Variants in RAB6A observed in about 807,000 individuals in gnomAD.
RAB6A encodes RAB6A, member RAS oncogene family.
In RAB6A, 8 loss-of-function variants were observed where a neutral mutation model predicts 32.3. The observed-to-expected ratio is 0.25, with a 90% CI of 0.15 to 0.45. RAB6A has a LOEUF of 0.45. Ranked by LOEUF, RAB6A falls within the 20% of genes least tolerant of loss-of-function variation. The probability of loss-of-function intolerance (pLI) is 1.00; values close to 1 mark genes in which losing one functional copy is unlikely to be tolerated. For synonymous variants in RAB6A, 73 were observed against 82.1 expected (o/e 0.89, Z 0.60); for missense variants, 104 against 249.4 (o/e 0.42, Z 3.93).
intron 1 of RAB6A, among the ~76,000 whole-genome samples, chr11:73,758,177 A>T (rs1207502477): frequency 1.3e-5 from 2 of 152,258 alleles, no homozygotes; most frequent in Non-Finnish European, 2.9e-5. Flanking sequence ...GACCATGAAA[A>T]CAGAGATCAA....
chr11:73,733,930 G>T (rs548499658), intron 1 of RAB6A, among the ~76,000 whole-genome samples: 56 of 152,168 alleles, frequency 3.7e-4, no homozygotes, highest in Admixed American at 2.6e-3. Context: ...CCCTTTACTG[G>T]ATGTTATACT....
intron 6 of RAB6A, among the ~76,000 whole-genome samples, chr11:73,683,712 A>C (rs10736792): frequency 0.92 from 139,114 of 152,022 alleles, 63,816 homozygotes; most frequent in East Asian, 1. Flanking sequence ...GCCACCACAC[A>C]GGGCTAATTC....
At chr11:73,731,430 G>C (rs1946299374) in intron 1 of RAB6A, among the ~76,000 whole-genome samples, 1 of 150,754 alleles carries the variant, frequency 6.6e-6, no homozygotes, top group Admixed American at 6.6e-5. Flanking sequence ...TGTAGTCCCA[G>C]CTACTCGGAA....
intron 6 of RAB6A, among the ~76,000 whole-genome samples, chr11:73,689,462 T>C (rs1009559640): frequency 2.0e-5 from 3 of 152,160 alleles, no homozygotes; most frequent in Non-Finnish European, 2.9e-5. Context: ...GTGGGTTGGT[T>C]CCTAACAGGC....
chr11:73,684,400 C>T (rs1212306226), intron 6 of RAB6A, among the ~76,000 whole-genome samples: 1 of 152,130 alleles, frequency 6.6e-6, no homozygotes, highest in Non-Finnish European at 1.5e-5. Context: ...AACTCCTGAC[C>T]TCAAGTGATC....
At chr11:73,701,040 T>C (rs1643822696) in intron 6 of RAB6A, among the ~76,000 whole-genome samples, 2 of 152,140 alleles carry the variant, frequency 1.3e-5, no homozygotes, top group Admixed American at 1.3e-4. Context: ...AAACAGTAAC[T>C]GTGAAAGCCC....
chr11:73,686,466 A>G (rs1249937385), intron 6 of RAB6A, among the ~76,000 whole-genome samples: 1 of 152,114 alleles, frequency 6.6e-6, no homozygotes, highest in Non-Finnish European at 1.5e-5. Flanking sequence ...AGGTAGTAAA[A>G]TCGCTTGAAC....
intron 1 of RAB6A, among the ~76,000 whole-genome samples, chr11:73,745,904 G>A (rs902902058): frequency 1.1e-4 from 16 of 151,898 alleles, no homozygotes; most frequent in African/African-American, 3.6e-4. Flanking sequence ...GCAGGCTGAG[G>A]CACAAGAATC....
chr11:73,759,944 C>T, intron 1 of RAB6A: 2 of 1,066,638 alleles, frequency 1.9e-6, no homozygotes, highest in Non-Finnish European at 1.3e-6. Flanking sequence ...CCCAACCACC[C>T]CATGCTCAAG....
chr11:73,740,787 C>A (rs1221941129), intron 1 of RAB6A, among the ~76,000 whole-genome samples: 1 of 151,522 alleles, frequency 6.6e-6, no homozygotes, highest in African/African-American at 2.4e-5. Context: ...CTCGGGGGGG[C>A]TGAGGCAGGA....
At position 73,677,647 on chromosome 11, in the gene RAB6A, A is replaced by G. The variant is rs903716707; in HGVS notation, c.*251T>C. The G allele has an allele frequency of 1.1e-6, 1 of 947,304 alleles. No individual in the cohort carries two copies. Among genetic ancestry groups the G allele is most frequent in the African/African-American group, 1.7e-5 (1 of 59,588 alleles). The allele number at this position is 947,304 out of a possible 1,614,324, so 58.7% of individuals were successfully genotyped here. ...AAAAAATGTTAAGAAAATGTATCTA[A>G]TTTTTAAAGTTATCACTGGAATATG... On this transcript the variant is annotated 3_prime_UTR_variant, in exon 8 of 8. Coordinates refer to ENST00000336083, the MANE Select transcript of RAB6A (RefSeq NM_198896.2).
intron 4 of RAB6A, among the ~76,000 whole-genome samples, chr11:73,716,568 G>T (rs1217058143): frequency 2.6e-5 from 4 of 151,834 alleles, no homozygotes; most frequent in Admixed American, 2.0e-4. Context: ...AATCTTCAAG[G>T]TTCCTTTTAG....
At position 73,720,696 on chromosome 11, in the gene RAB6A, C is replaced by T. The variant is rs1946122665; in HGVS notation, c.183+150G>A. The T allele has an allele frequency of 6.4e-6, 4 of 621,280 alleles. 1 individual carries two copies. The East Asian group carries it at 1.1e-4, about 18-fold the overall frequency. The allele number at this position is 621,280 out of a possible 1,614,324, so 38.5% of individuals were successfully genotyped here. On this transcript the variant is annotated intron_variant, in intron 3 of 7. Coordinates refer to ENST00000336083, the MANE Select transcript of RAB6A (RefSeq NM_198896.2). ...ATCAAGATGACTGCCAAGTACTACT[C>T]ACTCGGTAATAAGAGTTTTTCTCAA...
At chr11:73,708,089 TAC>T (rs1358143484) in intron 5 of RAB6A, among the ~76,000 whole-genome samples, 9 of 152,242 alleles carry the variant, frequency 5.9e-5, no homozygotes, top group Non-Finnish European at 1.2e-4. Flanking sequence ...TTTCCAATTT[TAC>T]ACTACTATGA....
chr11:73,748,137 T>C (rs1009247764), intron 1 of RAB6A, among the ~76,000 whole-genome samples: 4 of 152,212 alleles, frequency 2.6e-5, no homozygotes, highest in Non-Finnish European at 5.9e-5. Flanking sequence ...AATGGTGATT[T>C]TTAAATTTAC....
At chr11:73,718,150 T>C (rs1357284398) in intron 4 of RAB6A, among the ~76,000 whole-genome samples, 1 of 152,218 alleles carries the variant, frequency 6.6e-6, no homozygotes. Flanking sequence ...GTTTTCTCTG[T>C]CTTCCTCTAC....
At chr11:73,742,906 T>C (rs1946521078) in intron 1 of RAB6A, among the ~76,000 whole-genome samples, 1 of 151,904 alleles carries the variant, frequency 6.6e-6, no homozygotes, top group African/African-American at 2.4e-5. Flanking sequence ...GGTTGGGGGA[T>C]AAGAATGCAA....
intron 7 of RAB6A, among the ~76,000 whole-genome samples, chr11:73,679,219 G>C (rs1015714228): frequency 7.2e-5 from 11 of 152,156 alleles, no homozygotes; most frequent in African/African-American, 2.7e-4. Flanking sequence ...CCTTGGAAAT[G>C]AACTAATATT....
At chr11:73,720,458 A>G (rs947171373) in intron 3 of RAB6A, among the ~76,000 whole-genome samples, 9 of 152,162 alleles carry the variant, frequency 5.9e-5, no homozygotes, top group African/African-American at 2.2e-4. Flanking sequence ...CTGGGATTAC[A>G]GGTGTGAGCC....
Sources: gnomAD v4.1 joint callset for allele counts (sites outside exome capture counted in the v4.1 genomes callset) on GRCh38, gnomAD v4.1.1 for gene constraint, MANE v1.5 for transcripts, NCBI Gene and HGNC (gene_info 2026-07-23, HGNC 2026-07-21) for gene names.